The following FTO variants were observed in gnomAD, a reference collection of about 807,000 sequenced individuals.
The protein encoded by FTO is FTO alpha-ketoglutarate dependent dioxygenase, also known as alpha-ketoglutarate-dependent dioxygenase FTO.
Under a neutral mutation model 63.9 loss-of-function variants are expected in FTO, and 47 were observed. That is an observed-to-expected ratio of 0.74 (90% CI 0.58 to 0.94). FTO has a LOEUF of 0.94. FTO is among the 40% of genes least tolerant of loss of function. The probability of loss-of-function intolerance (pLI) is 0.00; values close to 1 mark genes in which losing one functional copy is unlikely to be tolerated. For missense variants in FTO, 562 were observed against 618.1 expected, an observed-to-expected ratio of 0.91 and a Z score of 0.96; for synonymous variants, 207 against 224.4, an observed-to-expected ratio of 0.92 and a Z score of 0.69.
chr16:53,885,392 T>C (rs574685050), intron 6 of FTO, among the ~76,000 whole-genome samples: 1 of 151,956 alleles, frequency 6.6e-6, no homozygotes, highest in Non-Finnish European at 1.5e-5. Context: ...TGGAGTTGAA[T>C]AGAAGGCATG....
rs544590742 is a variant in FTO at position 53,827,174 on chromosome 16, A to T, written c.751+683A>T. ...GACTTGTTCTTGCATTTTCTGATGT[A>T]TAATCCCCTTGAAACAGATCGTAGG... is the stretch of plus-strand genomic sequence containing the variant. On this transcript the variant is annotated intron_variant, in intron 3 of 8. Coordinates refer to ENST00000471389, the MANE Select transcript of FTO (RefSeq NM_001080432.3). Among the ~76,000 whole-genome samples the T allele has an allele frequency of 3.1e-5, 4 of 131,140 alleles. No individual in the cohort carries two copies. In the East Asian group the frequency reaches 6.9e-4, roughly 23 times the overall value. 86.0% of individuals were successfully genotyped at this position (131,140 alleles called of 152,430 possible).
intron 1 of FTO, among the ~76,000 whole-genome samples, chr16:53,765,011 T>A (rs1322159412): frequency 6.6e-6 from 1 of 152,034 alleles, no homozygotes; most frequent in African/African-American, 2.4e-5. Flanking sequence ...TGAGCCACCA[T>A]GCCCAACCTG....
intron 8 of FTO, among the ~76,000 whole-genome samples, chr16:54,007,646 A>C (rs2084241548): frequency 6.6e-6 from 1 of 152,254 alleles, no homozygotes; most frequent in African/African-American, 2.4e-5. Context: ...CAACAGAGAC[A>C]TGGCCCCAGT....
chr16:53,935,016 A>G (rs903832149), intron 8 of FTO, among the ~76,000 whole-genome samples: 7 of 152,330 alleles, frequency 4.6e-5, no homozygotes, highest in African/African-American at 1.4e-4. Flanking sequence ...ATGCTTGCAT[A>G]GTAAATATCA....
chr16:53,782,735 G>C (rs4783819), intron 1 of FTO, among the ~76,000 whole-genome samples: 103,256 of 152,094 alleles, frequency 0.68, 35,637 homozygotes, highest in African/African-American at 0.8. Context: ...CCACTCACTT[G>C]TGTGTGTCTG....
At chr16:54,083,663 G>A (rs894950851) in intron 8 of FTO, among the ~76,000 whole-genome samples, 3 of 152,018 alleles carry the variant, frequency 2.0e-5, no homozygotes, top group Admixed American at 6.5e-5. Context: ...TTTTACACAC[G>A]ACACCGCCCT....
chr16:54,012,192 G>C (rs1040285807), intron 8 of FTO, among the ~76,000 whole-genome samples: 8 of 152,116 alleles, frequency 5.3e-5, no homozygotes, highest in Non-Finnish European at 2.9e-5. Context: ...GATAAGAAAG[G>C]GAAAAACAGC....
At chr16:54,070,562 T>A (rs1483439771) in intron 8 of FTO, 1 of 152,174 alleles carries the variant, frequency 6.6e-6, no homozygotes, top group Non-Finnish European at 1.5e-5. Context: ...TCCATTTTTT[T>A]AGAGTCAGTT....
chr16:53,796,256 C>T (rs1274351562), intron 1 of FTO, among the ~76,000 whole-genome samples: 2 of 152,002 alleles, frequency 1.3e-5, no homozygotes, highest in East Asian at 3.9e-4. Flanking sequence ...GTCGGCCAGG[C>T]TAATCTGGAA....
intron 1 of FTO, among the ~76,000 whole-genome samples, chr16:53,783,944 TCAC>T (rs930798301): frequency 9.8e-5 from 15 of 152,324 alleles, no homozygotes; most frequent in South Asian, 8.3e-4. Context: ...GATCATCACC[TCAC>T]CTCACTGGCC....
intron 8 of FTO, among the ~76,000 whole-genome samples, chr16:53,962,807 A>G (rs547327850): frequency 6.6e-6 from 1 of 152,308 alleles, no homozygotes; most frequent in Admixed American, 6.5e-5. Flanking sequence ...TAACAACTCA[A>G]ATCTGCTAAA....
intron 5 of FTO, among the ~76,000 whole-genome samples, chr16:53,876,498 A>T (rs2080657961): frequency 6.6e-6 from 1 of 152,210 alleles, no homozygotes; most frequent in Non-Finnish European, 1.5e-5. Context: ...AGTGTAGAGG[A>T]CCCATGGAAT....
chr16:54,031,590 T>C (rs1041087076), intron 8 of FTO, among the ~76,000 whole-genome samples: 3 of 152,178 alleles, frequency 2.0e-5, no homozygotes, highest in Non-Finnish European at 4.4e-5. Flanking sequence ...GGTGGCATCG[T>C]TGGCTCATCA....
At chr16:54,039,017 G>T (rs1367173416) in intron 8 of FTO, among the ~76,000 whole-genome samples, 3 of 152,192 alleles carry the variant, frequency 2.0e-5, no homozygotes, top group Non-Finnish European at 4.4e-5. Context: ...GGGCTTGTAG[G>T]GGCAGGAGCA....
At chr16:54,104,059 C>G (rs2086694742) in intron 8 of FTO, among the ~76,000 whole-genome samples, 1 of 152,146 alleles carries the variant, frequency 6.6e-6, no homozygotes, top group Non-Finnish European at 1.5e-5. Flanking sequence ...AAATACTTAT[C>G]TTTACACCCT....
intron 8 of FTO, among the ~76,000 whole-genome samples, chr16:54,084,080 A>G (rs146025072): frequency 3.3e-5 from 5 of 152,328 alleles, no homozygotes; most frequent in African/African-American, 1.2e-4. Flanking sequence ...GCCAGTGAGT[A>G]TAATGCAAAT....
At chr16:53,924,668 C>T (rs1327790604) in intron 7 of FTO, among the ~76,000 whole-genome samples, 1 of 152,046 alleles carries the variant, frequency 6.6e-6, no homozygotes, top group Non-Finnish European at 1.5e-5. Context: ...GACGTGGCAC[C>T]CAGTGGTGAC....
At chr16:54,108,059 C>T (rs1387877991) in intron 8 of FTO, among the ~76,000 whole-genome samples, 2 of 152,174 alleles carry the variant, frequency 1.3e-5, no homozygotes, top group Non-Finnish European at 2.9e-5. Context: ...CACATCAAGT[C>T]ATGAAGCATG....
At chr16:53,737,352 C>CGTCATAGA (rs1555625611) in intron 1 of FTO, among the ~76,000 whole-genome samples, 2 of 151,990 alleles carry the variant, frequency 1.3e-5, no homozygotes, top group Non-Finnish European at 2.9e-5. Context: ...ATCATGTGAA[C>CGTCATAGA]GTCATAGAGT....
Sources: allele counts gnomAD v4.1 joint callset (sites outside exome capture counted in the v4.1 genomes callset), GRCh38; gene constraint gnomAD v4.1.1; transcripts MANE v1.5; gene names NCBI Gene and HGNC (gene_info 2026-07-23, HGNC 2026-07-21).